Variants in CCBE1 observed in about 807,000 individuals in gnomAD.
CCBE1 encodes the protein collagen and calcium-binding EGF domain-containing protein 1.
In CCBE1, 37 loss-of-function variants were observed where a neutral mutation model predicts 50.0. The observed-to-expected ratio is 0.74, with a 90% CI of 0.57 to 0.97. The LOEUF (loss-of-function observed/expected upper bound fraction) is 0.97. Ranked by LOEUF, CCBE1 falls within the 50% of genes least tolerant of loss-of-function variation. CCBE1 has a pLI of 0.00. For missense variants in CCBE1, 538 were observed against 523.8 expected, an observed-to-expected ratio of 1.03 and a Z score of -0.26; for synonymous variants, 234 against 203.7, an observed-to-expected ratio of 1.15 and a Z score of -1.27.
chr18:59,688,687 A>T (rs1334545325), intron 2 of CCBE1, among the ~76,000 whole-genome samples: 1 of 152,236 alleles, frequency 6.6e-6, no homozygotes, highest in Admixed American at 6.5e-5. Context: ...AAACTGGCAG[A>T]TTATGCTCAT....
intron 2 of CCBE1, among the ~76,000 whole-genome samples, chr18:59,547,327 C>A (rs1915745979): frequency 6.6e-6 from 1 of 152,036 alleles, no homozygotes; most frequent in South Asian, 2.1e-4. Context: ...TTCGAGTTGA[C>A]CTTAGAGAAA....
intron 2 of CCBE1, chr18:59,688,070 C>T (rs866048021): frequency 2.6e-5 from 4 of 152,114 alleles, no homozygotes; most frequent in Admixed American, 1.3e-4. Context: ...TAACTGATTC[C>T]GAATACCTTC....
At chr18:59,575,100 C>T (rs961442835) in intron 2 of CCBE1, among the ~76,000 whole-genome samples, 2 of 152,154 alleles carry the variant, frequency 1.3e-5, no homozygotes, top group African/African-American at 2.4e-5. Context: ...GCTAGCAGAC[C>T]TCCAGAAGGT....
At chr18:59,497,245 C>G (rs1394604171) in intron 2 of CCBE1, among the ~76,000 whole-genome samples, 1 of 152,070 alleles carries the variant, frequency 6.6e-6, no homozygotes, top group Non-Finnish European at 1.5e-5. Flanking sequence ...GGAAGCCAAA[C>G]AGAATCAAGT....
chr18:59,433,466 T>C lies in CCBE1; in HGVS notation c.*2442A>G, dbSNP rs1226692001. 6.6e-6 allele frequency: 1 copy of C among 152,110 alleles called. No individual in the cohort carries two copies. Among genetic ancestry groups the C allele is most frequent in the African/African-American group, 2.4e-5 (1 of 41,402 alleles). The allele number at this position is 152,110 out of a possible 1,614,324, so 9.4% of individuals were successfully genotyped here. On this transcript the variant is annotated 3_prime_UTR_variant, in exon 11 of 11. Transcript: ENST00000439986. ...AGTGTTCATGAAAGACTCGGTCACA[T>C]GCTGACTGACATGAGTCCTGCATTT...
chr18:59,547,245 A>G (rs1490969582), intron 2 of CCBE1, among the ~76,000 whole-genome samples: 1 of 152,028 alleles, frequency 6.6e-6, no homozygotes, highest in African/African-American at 2.4e-5. Flanking sequence ...ACCTGAGGTC[A>G]GGTGAGGGGA....
intron 2 of CCBE1, among the ~76,000 whole-genome samples, chr18:59,531,591 T>C (rs1240840851): frequency 6.6e-6 from 1 of 151,952 alleles, no homozygotes; most frequent in Non-Finnish European, 1.5e-5. Flanking sequence ...CTACAAAAAA[T>C]TTAAAAATTA....
At position 59,539,436 on chromosome 18, in the gene CCBE1, A is replaced by C. The variant is rs1480470640; in HGVS notation, c.213-59198T>G. ...ATATGAGCCTGGAAGCAAATCCTTC[A>C]AACTTAGAACAGCTATGGTTCAGCT... is the stretch of plus-strand genomic sequence containing the variant. On this transcript the variant is annotated intron_variant, in intron 2 of 10. Transcript: ENST00000439986. 5.3e-5 allele frequency among the ~76,000 whole-genome samples: 8 copies of C among 152,306 alleles called. 1 individual carries two copies. In the South Asian group the frequency reaches 8.3e-4, roughly 16 times the overall value.
intron 3 of CCBE1, among the ~76,000 whole-genome samples, chr18:59,479,917 G>A (rs1912485743): frequency 6.6e-6 from 1 of 152,236 alleles, no homozygotes; most frequent in African/African-American, 2.4e-5. Context: ...TGGGCTAATT[G>A]GGGGATTATA....
intron 2 of CCBE1, among the ~76,000 whole-genome samples, chr18:59,665,008 G>A (rs1035833426): frequency 6.6e-6 from 1 of 152,052 alleles, no homozygotes; most frequent in East Asian, 1.9e-4. Context: ...TGTAAGTCTG[G>A]TAGCAAAAGG....
chr18:59,510,486 A>C (rs140953808), intron 2 of CCBE1, among the ~76,000 whole-genome samples: 1 of 151,908 alleles, frequency 6.6e-6, no homozygotes, highest in Non-Finnish European at 1.5e-5. Context: ...CAATGGCGTG[A>C]TCTCAGCTCA....
intron 7 of CCBE1, among the ~76,000 whole-genome samples, chr18:59,444,392 C>G (rs1363189158): frequency 6.6e-6 from 1 of 152,094 alleles, no homozygotes; most frequent in African/African-American, 2.4e-5. Context: ...CCTGCTTAAG[C>G]CTCCTGATAT....
intron 2 of CCBE1, among the ~76,000 whole-genome samples, chr18:59,516,786 G>A (rs966427021): frequency 6.6e-6 from 1 of 152,180 alleles, no homozygotes; most frequent in Admixed American, 6.5e-5. Flanking sequence ...CTGCACAGCG[G>A]CCAGAACATC....
chr18:59,544,205 GATTTT>G (rs1289815330), intron 2 of CCBE1, among the ~76,000 whole-genome samples: 6 of 152,160 alleles, frequency 3.9e-5, no homozygotes, highest in Non-Finnish European at 8.8e-5. Flanking sequence ...CATAGTAGGT[GATTTT>G]TCTAACTCCC....
chr18:59,481,343 T>A (rs1912561798), intron 2 of CCBE1, among the ~76,000 whole-genome samples: 1 of 146,312 alleles, frequency 6.8e-6, no homozygotes, highest in African/African-American at 2.6e-5. Flanking sequence ...AATATCAGAG[T>A]CTAAGGTCTG....
At chr18:59,499,538 G>T (rs954603804) in intron 2 of CCBE1, among the ~76,000 whole-genome samples, 1 of 152,152 alleles carries the variant, frequency 6.6e-6, no homozygotes, top group Non-Finnish European at 1.5e-5. Context: ...TACATGGACG[G>T]CAACAGGCAA....
At chr18:59,527,238 T>C (rs1288638261) in intron 2 of CCBE1, among the ~76,000 whole-genome samples, 1 of 152,250 alleles carries the variant, frequency 6.6e-6, no homozygotes, top group Non-Finnish European at 1.5e-5. Context: ...TTGAACCCTT[T>C]ACCATTATGT....
At chr18:59,644,295 G>T (rs561748730) in intron 2 of CCBE1, among the ~76,000 whole-genome samples, 1 of 152,134 alleles carries the variant, frequency 6.6e-6, no homozygotes, top group South Asian at 2.1e-4. Context: ...CCTGCTGTGC[G>T]GTCCAGTACC....
chr18:59,697,301 G>GC lies in CCBE1; in HGVS notation c.41dup (p.Gln15ProfsTer42). The stretch of plus-strand genomic sequence containing the variant: ...GCGGACCCAGGCTCCTGCCCAGCTG[G>GC]CCCCTGGCAGCTCCTCCCCGGCTCG... On this transcript the variant is annotated frameshift_variant, in exon 1 of 11. Transcript: ENST00000439986. LOFTEE classifies it high-confidence loss of function. The GC allele has an allele frequency of 6.5e-7, 1 of 1,549,040 alleles. No homozygotes were observed. The highest frequency in any genetic ancestry group is 8.7e-7 in the Non-Finnish European group (1 of 1,146,856).
Sources: allele counts gnomAD v4.1 joint callset (sites outside exome capture counted in the v4.1 genomes callset), GRCh38; gene constraint gnomAD v4.1.1; transcripts MANE v1.5; gene names NCBI Gene and HGNC (gene_info 2026-07-23, HGNC 2026-07-21).